The following JUP variants were observed in gnomAD, a reference collection of about 807,000 sequenced individuals.
The protein encoded by JUP is catenin (cadherin-associated protein), gamma 80kDa.
A neutral mutation model predicts 71.1 loss-of-function variants in JUP; 28 were observed. The ratio of observed to expected loss-of-function variants is 0.39; its 90% CI spans 0.29 to 0.54. JUP has a LOEUF of 0.54. Ranked by LOEUF, JUP falls within the 20% of genes least tolerant of loss-of-function variation. The pLI is 0.62. For missense variants in JUP, 869 were observed against 1,030.1 expected (o/e 0.84, Z 2.14); for synonymous variants, 401 against 438.9 (o/e 0.91, Z 1.08).
intron 1 of JUP, among the ~76,000 whole-genome samples, chr17:41,773,323 G>A (rs868941280): frequency 6.6e-6 from 1 of 152,222 alleles, no homozygotes; most frequent in Non-Finnish European, 1.5e-5. Context: ...CCCTCCAGGA[G>A]GATGACGAAT....
At chr17:41,771,126 T>A (rs184949556) in intron 2 of JUP, among the ~76,000 whole-genome samples, 1 of 152,174 alleles carries the variant, frequency 6.6e-6, no homozygotes, top group Admixed American at 6.5e-5. Context: ...GCCTCCTGGG[T>A]TCAAGCAATT....
chr17:41,785,750 T>C (rs1555611604), intron 1 of JUP, among the ~76,000 whole-genome samples: 1 of 152,168 alleles, frequency 6.6e-6, no homozygotes. Context: ...ACCAACACTC[T>C]GGCAGCCACA....
In JUP at chr17:41,758,412, G is replaced by C; in HGVS notation, c.1760C>G (p.Pro587Arg). Residue 587 changes from proline (P) to arginine (R), a missense_variant, in exon 10 of 14, where the codon CCC (proline) becomes CGC (arginine). Pro to Arg is a moderately radical substitution (Grantham distance 103). Transcript: ENST00000393931. ...RMEIFRLNTI[P>R]LFVQLLYSSV... is the part of the protein sequence containing the mutation. ...CCCCAGACTCACCTGCACAAACAGG[G>C]GAATGGTGTTGAGCCGGAAGATCTC... 1 of 1,613,346 alleles carries C rather than the reference G, an allele frequency of 6.2e-7. No individual in the cohort carries two copies.
At chr17:41,777,538 G>T (rs1555609105) in intron 1 of JUP, among the ~76,000 whole-genome samples, 1 of 152,362 alleles carries the variant, frequency 6.6e-6, no homozygotes, top group East Asian at 1.9e-4. Flanking sequence ...ACCTCCTGCA[G>T]ACTACAGGTT....
intron 12 of JUP, among the ~76,000 whole-genome samples, 197 bp from the exon 13 acceptor site, chr17:41,756,411 A>G (rs781787753): frequency 1.5e-4 from 23 of 151,862 alleles, no homozygotes; most frequent in Non-Finnish European, 2.6e-4. Flanking sequence ...AGCCTGGCCA[A>G]CATGGTGAAA....
intron 10 of JUP, 65 bp from the exon 11 acceptor site, chr17:41,757,849 A>G: frequency 7.4e-7 from 1 of 1,351,464 alleles, no homozygotes; most frequent in Non-Finnish European, 1.0e-6. Flanking sequence ...CGGACAACAC[A>G]CCCCACAGCA....
Position 41,757,509 on chromosome 17 carries a change from C to T in JUP, c.1952G>A (p.Arg651His), listed in dbSNP as rs201649512. Residue 651 changes from arginine (R) to histidine (H), a missense_variant, in exon 12 of 14, where the codon CGC (arginine) becomes CAC (histidine). Coordinates refer to ENST00000393931, the MANE Select transcript of JUP (RefSeq NM_002230.4). ...GTCTGGGTTCTTGTCCTCGGAGATG[C>T]GGAACAGGACGGCAGCAGCGTAGGT... ...TATYAAAVLFRISEDKNPDYR... is the reference protein window; with the variant it reads ...TATYAAAVLFHISEDKNPDYR... The T allele has an allele frequency of 1.2e-6, 2 of 1,614,160 alleles. No individual in the cohort carries two copies. The highest frequency in any genetic ancestry group is 1.7e-6 in the Non-Finnish European group (2 of 1,180,028).
chr17:41,766,912 TA>T (rs1440989905), intron 5 of JUP, among the ~76,000 whole-genome samples: 1 of 149,998 alleles, frequency 6.7e-6, no homozygotes, highest in Non-Finnish European at 1.5e-5. Context: ...TCGGGCGTGG[TA>T]GCACACGCCT....
intron 5 of JUP, among the ~76,000 whole-genome samples, chr17:41,766,474 A>T (rs1277275081): frequency 1.3e-5 from 2 of 152,104 alleles, no homozygotes; most frequent in Non-Finnish European, 2.9e-5. Flanking sequence ...TAATCCTGAT[A>T]CTTTGGGAGG....
chr17:41,757,746 A>G lies in JUP; in HGVS notation c.1812T>C (p.Ala604=), dbSNP rs1555598995. The G allele has an allele frequency of 1.2e-6, 2 of 1,612,572 alleles. No individual in the cohort carries two copies. The highest frequency in any genetic ancestry group is 4.5e-5 in the East Asian group (2 of 44,848). Residue 604 remains alanine (A), a synonymous_variant, in exon 11 of 14, where the codon GCT becomes GCC. Coordinates refer to ENST00000393931, the MANE Select transcript of JUP (RefSeq NM_002230.4). ...YSSVENIQRV[A]AGVLCELAQD... Reference sequence around the variant, plus strand: ...GGGCCAGCTCACACAGCACCCCGGCAGCCACGCGCTGGATGTTCTCCACCG... The same window carrying G: ...GGGCCAGCTCACACAGCACCCCGGCGGCCACGCGCTGGATGTTCTCCACCG...
In JUP at chr17:41,754,945, T is replaced by A. The variant is rs936596217; in HGVS notation, c.*799A>T. Reference sequence around the variant, plus strand: ...AGAAGCTGGCATCTTCTGGAGCAGGTGACTCACTCCATATCTCCTCCCCAT... The same window carrying A: ...AGAAGCTGGCATCTTCTGGAGCAGGAGACTCACTCCATATCTCCTCCCCAT... On this transcript the variant is annotated 3_prime_UTR_variant, in exon 14 of 14. Coordinates refer to ENST00000393931, the MANE Select transcript of JUP (RefSeq NM_002230.4). The A allele has an allele frequency of 5.3e-6, 1 of 188,806 alleles. No individual in the cohort carries two copies. The highest frequency in any genetic ancestry group is 6.2e-5 in the Admixed American group (1 of 16,258). The allele number at this position is 188,806 out of a possible 1,614,324, so 11.7% of individuals were successfully genotyped here.
At chr17:41,767,910 C>T (rs1298466074) in intron 4 of JUP, among the ~76,000 whole-genome samples, 7 of 152,174 alleles carry the variant, frequency 4.6e-5, no homozygotes, top group African/African-American at 9.7e-5. Flanking sequence ...CCTTGCAAGG[C>T]GTTCAGAGGG....
At chr17:41,762,443 T>A (rs1430304918) in intron 8 of JUP, among the ~76,000 whole-genome samples, 2 of 151,974 alleles carry the variant, frequency 1.3e-5, no homozygotes, top group African/African-American at 2.4e-5. Context: ...CAGGCTGGAG[T>A]GCACTGATGC....
At chr17:41,786,261 T>G (rs932207695) in intron 1 of JUP, 4 of 151,370 alleles carry the variant, frequency 2.6e-5, no homozygotes, top group African/African-American at 9.7e-5. Context: ...GAGCAAAGTC[T>G]CCCCCGCCAG....
chr17:41,773,525 C>CG (rs1235885614), intron 1 of JUP, among the ~76,000 whole-genome samples: 130 of 152,160 alleles, frequency 8.5e-4, no homozygotes, highest in African/African-American at 3.0e-3. Flanking sequence ...ACGACAGGCT[C>CG]GGGCCGCCAG....
In JUP at chr17:41,755,239, A is replaced by AG. The variant is rs1913501404; in HGVS notation, c.*504dup. ...AGTGGCCAGGGCCACAGGGGCGGGG[A>AG]GGGGGTGTCAGGCCCTGGACCCATG... On this transcript the variant is annotated 3_prime_UTR_variant, in exon 14 of 14. Coordinates refer to ENST00000393931, the MANE Select transcript of JUP (RefSeq NM_002230.4). 2.3e-5 allele frequency: 9 copies of AG among 398,478 alleles called. No homozygotes were observed. The highest frequency in any genetic ancestry group is 4.0e-5 in the Non-Finnish European group (9 of 226,356). 24.7% of individuals were successfully genotyped at this position (398,478 alleles called of 1,614,324 possible).
At chr17:41,783,867 C>A (rs1555611002) in intron 1 of JUP, among the ~76,000 whole-genome samples, 1 of 129,322 alleles carries the variant, frequency 7.7e-6, no homozygotes, top group Admixed American at 9.5e-5. Context: ...TGCAGTGAGC[C>A]TGGGTGACAG....
intron 8 of JUP, among the ~76,000 whole-genome samples, chr17:41,760,412 C>T (rs868938438): frequency 2.6e-5 from 4 of 151,548 alleles, no homozygotes; most frequent in South Asian, 2.1e-4. Flanking sequence ...CCCGCCACCA[C>T]GCCTGGCTAA....
At chr17:41,766,973 G>C (rs868975241) in intron 5 of JUP, among the ~76,000 whole-genome samples, 1 of 151,698 alleles carries the variant, frequency 6.6e-6, no homozygotes, top group South Asian at 2.1e-4. Context: ...TCTGAGCCCA[G>C]GAAGTCAAGG....
Sources: allele counts gnomAD v4.1 joint callset (sites outside exome capture counted in the v4.1 genomes callset), GRCh38; gene constraint gnomAD v4.1.1; transcripts MANE v1.5; gene names NCBI Gene and HGNC (gene_info 2026-07-23, HGNC 2026-07-21).